The following WDR38 variants were observed in gnomAD, a reference collection of about 807,000 sequenced individuals.
The protein encoded by WDR38 is WD repeat-containing protein 38.
WDR38 carries 37 observed loss-of-function variants against 36.6 expected under a neutral mutation model. The ratio of observed to expected loss-of-function variants is 1.01; its 90% CI spans 0.78 to 1.33. The LOEUF is 1.33. Among genes scored for constraint, WDR38 ranks in the 40% most tolerant of loss-of-function variants. The probability of loss-of-function intolerance (pLI) is 0.00; values close to 1 mark genes in which losing one functional copy is unlikely to be tolerated. For missense variants in WDR38, 411 were observed against 414.6 expected (o/e 0.99, Z 0.07); for synonymous variants, 164 against 168.1 (o/e 0.98, Z 0.19).
Position 124,856,704 on chromosome 9 carries a change from C to T in WDR38, c.619-28C>T, listed in dbSNP as rs368244897. 1.1e-4 allele frequency: 170 copies of T among 1,613,968 alleles called. No homozygotes were observed. In the African/African-American group the frequency reaches 2.1e-3, roughly 20 times the overall value. ...CCAGTGAGCTCACAGGCCCCAAACC[C>T]TGGGGATCAGAGCTGTCTGCTGTCC... On this transcript the variant is annotated intron_variant, in intron 6 of 8. Coordinates refer to ENST00000373574, the MANE Select transcript of WDR38 (RefSeq NM_001045476.3).
At chr9:124,854,515 C>A (rs11285040) in intron 2 of WDR38, among the ~76,000 whole-genome samples, 190 bp downstream of exon 2, 5 of 2,200 alleles carry the variant, frequency 2.3e-3, no homozygotes, top group Non-Finnish European at 0.016. Context: ...TCTTTAAAAA[C>A]ACACACACAC....
rs774866295 is a variant in WDR38 at position 124,857,369 on chromosome 9, A to G, written c.774A>G (p.Lys258=). The G allele has an allele frequency of 6.2e-7, 1 of 1,614,098 alleles. No homozygotes were observed. ...ATGCCCCCCTCCTTTTCCAGGTCAAAGTCTGGGACTGCAACACAGGAAAGT... is the reference window on the plus strand; with the variant it reads ...ATGCCCCCCTCCTTTTCCAGGTCAAGGTCTGGGACTGCAACACAGGAAAGT... ...LASAGYSRMV[K]VWDCNTGKCL... The change falls in exon 8 of 9, where the codon AAA becomes AAG. Residue 258 remains lysine, a synonymous_variant. Coordinates refer to ENST00000373574, the MANE Select transcript of WDR38 (RefSeq NM_001045476.3).
In WDR38 at chr9:124,855,656, C is replaced by T. The variant is rs1296745594; in HGVS notation, c.213C>T (p.Phe71=). 3.1e-6 allele frequency: 5 copies of T among 1,611,732 alleles called. No homozygotes were observed. ...GHTGPVKFCR[F]SPDGHLFASA... ...CAGGCCCCGTGAAGTTCTGCCGCTT[C>T]TCCCCTGATGGCCACCTCTTCGCCA... The change falls in exon 3 of 9, where the codon TTC becomes TTT. Residue 71 remains phenylalanine, a synonymous_variant. Transcript: ENST00000373574.
chr9:124,857,732 G>A lies in WDR38; in HGVS notation c.*102G>A. On this transcript the variant is annotated 3_prime_UTR_variant, in exon 9 of 9. Transcript: ENST00000373574. ...CGCAAAGTGACTGTGCTGGCATCCA[G>A]CAGATCCCCATGGCCAGGACTCTCC... 1.3e-6 allele frequency: 2 copies of A among 1,563,322 alleles called. No individual in the cohort carries two copies. The highest frequency in any genetic ancestry group is 2.3e-5 in the South Asian group (2 of 85,372).
At chr9:124,857,099 A>G (rs1829095763) in intron 7 of WDR38, among the ~76,000 whole-genome samples, 1 of 152,216 alleles carries the variant, frequency 6.6e-6, no homozygotes, top group African/African-American at 2.4e-5. Context: ...AAATGGCATC[A>G]GGCAAAAGGG....
In WDR38 at chr9:124,854,269, TGTATGG is replaced by T; in HGVS notation, c.135_140del (p.Tyr46_Gly47del). ...CTCACAGGCTCAGAAGATGGCTGCG[TGTATGG>T]CTGGGAGACCCGGAGTGGGCAGCTG... On this transcript the variant is annotated inframe_deletion, in exon 2 of 9. Coordinates refer to ENST00000373574, the MANE Select transcript of WDR38 (RefSeq NM_001045476.3). 6.2e-7 allele frequency: 1 copy of T among 1,614,092 alleles called. No individual in the cohort carries two copies. The highest frequency in any genetic ancestry group is 2.2e-5 in the East Asian group (1 of 44,870).
rs957563692 is a variant in WDR38, at chr9:124,857,725, G to C, written c.*95G>C. The C allele has an allele frequency of 5.7e-6, 9 of 1,568,066 alleles. No individual in the cohort carries two copies. The African/African-American group carries it at 8.1e-5, about 14-fold the overall frequency. On this transcript the variant is annotated 3_prime_UTR_variant, in exon 9 of 9. Coordinates refer to ENST00000373574, the MANE Select transcript of WDR38 (RefSeq NM_001045476.3). ...CCACAGACGCAAAGTGACTGTGCTG[G>C]CATCCAGCAGATCCCCATGGCCAGG...
chr9:124,856,076 A>G, intron 4 of WDR38, 118 bp downstream of exon 4: 1 of 1,527,678 alleles, frequency 6.5e-7, no homozygotes, highest in African/African-American at 1.4e-5. Context: ...CCATGCCCAC[A>G]GCAGGCAACC....
Position 124,853,542 on chromosome 9 carries a change from G to T in WDR38, c.11G>T (p.Gly4Val). The change falls in exon 1 of 9, where the codon GGG becomes GTG. Residue 4 changes from glycine to valine, a missense_variant. Physicochemically the swap from Gly to Val is moderately radical, Grantham distance 109 (BLOSUM62 -3). Coordinates refer to ENST00000373574, the MANE Select transcript of WDR38 (RefSeq NM_001045476.3). ...CGGGGCCGGGTGCCCATGAACAGCG[G>T]GGTCCCGGCCACGCTGGCCGTGCGG... MNS[G>V]VPATLAVRRV... 1 of 1,247,750 alleles carries T rather than the reference G, an allele frequency of 8.0e-7. No homozygotes were observed. The highest frequency in any genetic ancestry group is 4.1e-5 in the South Asian group (1 of 24,582). 77.3% of individuals were successfully genotyped at this position (1,247,750 alleles called of 1,614,324 possible). A position where few individuals can be genotyped will look rare whatever the true frequency, so the allele number is the denominator to read the frequency against.
At position 124,856,294 on chromosome 9, in the gene WDR38, G is replaced by A. The variant is rs371543329; in HGVS notation, c.460G>A (p.Asp154Asn). 7 of 1,614,092 alleles carry A rather than the reference G, an allele frequency of 4.3e-6. No homozygotes were observed. The highest frequency in any genetic ancestry group is 2.7e-5 in the African/African-American group (2 of 74,942). ...VGHRDSIQSS[D>N]FSPTVNCLAT... ...GCACCGTGACTCCATCCAGAGCAGC[G>A]ACTTCTCACCCACGGTGAACTGCCT... Residue 154 changes from aspartate to asparagine, a missense_variant, in exon 5 of 9, where the codon GAC becomes AAC. By Grantham distance (23) the Asp-to-Asn change is conservative. Transcript: ENST00000373574.
Position 124,854,218 on chromosome 9 carries a change from C to T in WDR38, c.83C>T (p.Ala28Val). The T allele has an allele frequency of 1.9e-6, 3 of 1,614,118 alleles. No individual in the cohort carries two copies. The highest frequency in any genetic ancestry group is 2.5e-6 in the Non-Finnish European group (3 of 1,179,998). Reference protein sequence around the residue: ...GQHGGEVNSSAFSPDGQMLLT... With the variant: ...GQHGGEVNSSVFSPDGQMLLT... ...TGCTGTTTCTAGGTCAACTCTTCTG[C>T]CTTCTCCCCTGATGGCCAGATGCTG... Residue 28 changes from alanine (A) to valine (V), a missense_variant, in exon 2 of 9, where the codon GCC becomes GTC. Physicochemically the swap from Ala to Val is moderately conservative, Grantham distance 64. Transcript: ENST00000373574.
chr9:124,854,140 G>C, intron 1 of WDR38, 65 bp from the exon 2 acceptor site: 1 of 1,604,054 alleles, frequency 6.2e-7, no homozygotes, highest in Non-Finnish European at 8.5e-7. Context: ...GCAGTGTTTA[G>C]GGGTCAGAGA....
chr9:124,856,838 C>T lies in WDR38; in HGVS notation c.725C>T (p.Ser242Phe), dbSNP rs763594512. 6.2e-6 allele frequency: 10 copies of T among 1,614,098 alleles called. No individual in the cohort carries two copies. In the South Asian group the frequency reaches 7.7e-5, roughly 12 times the overall value. Residue 242 changes from serine (S) to phenylalanine (F), a missense_variant, in exon 7 of 9, where the codon TCT (serine) becomes TTT (phenylalanine). Physicochemically the swap from Ser to Phe is radical, Grantham distance 155. Coordinates refer to ENST00000373574, the MANE Select transcript of WDR38 (RefSeq NM_001045476.3). The stretch of plus-strand genomic sequence containing the variant: ...ACCTGGGTGAAGAGCATAGCCTTCT[C>T]TCCCGACGAGCTGTGGCTGGCCAGC... Reference protein sequence around the residue: ...HVTWVKSIAFSPDELWLASAG... With the variant: ...HVTWVKSIAFFPDELWLASAG...
At chr9:124,855,823 C>T in intron 3 of WDR38, 38 bp from the exon 4 acceptor site, 1 of 1,613,894 alleles carries the variant, frequency 6.2e-7, no homozygotes, top group Non-Finnish European at 8.5e-7. Flanking sequence ...TGTCACGTCA[C>T]CTTTCCACCT....
At chr9:124,855,828 C>T (rs1432712552) in intron 3 of WDR38, 33 bp from the exon 4 acceptor site, 1 of 1,613,920 alleles carries the variant, frequency 6.2e-7, no homozygotes, top group East Asian at 2.2e-5. Context: ...CGTCACCTTT[C>T]CACCTTCCCC....
chr9:124,854,119 G>C (rs574918620), intron 1 of WDR38, 86 bp from the exon 2 acceptor site: 1 of 1,580,046 alleles, frequency 6.3e-7, no homozygotes, highest in African/African-American at 1.3e-5. Context: ...CCAACCCCAG[G>C]CTCTTGGGGG....
intron 7 of WDR38, 110 bp from the exon 8 acceptor site, chr9:124,857,251 CAGG>C (rs1829101930): frequency 1.4e-6 from 2 of 1,397,886 alleles, no homozygotes; most frequent in Non-Finnish European, 2.0e-6. Context: ...CACCTGAGGT[CAGG>C]AGTTCAGGCG....
chr9:124,856,379 A>G, intron 5 of WDR38, 59 bp downstream of exon 5: 8 of 1,613,222 alleles, frequency 5.0e-6, no homozygotes, highest in Non-Finnish European at 6.8e-6. Context: ...CTTGGAGCTG[A>G]GTGGTGGGAA....
intron 8 of WDR38, 29 bp downstream of exon 8, chr9:124,857,440 A>G: frequency 6.2e-7 from 1 of 1,614,136 alleles, no homozygotes; most frequent in South Asian, 1.1e-5. Flanking sequence ...GCACTGAGGA[A>G]GCTGTGGACA....
Sources: gnomAD v4.1 joint callset for allele counts (sites outside exome capture counted in the v4.1 genomes callset) on GRCh38, gnomAD v4.1.1 for gene constraint, MANE v1.5 for transcripts, NCBI Gene and HGNC (gene_info 2026-07-23, HGNC 2026-07-21) for gene names.